The following KCTD8 variants were observed in gnomAD, a reference collection of about 807,000 sequenced individuals.
KCTD8 encodes potassium channel tetramerization domain containing 8.
Under a neutral mutation model 31.5 loss-of-function variants are expected in KCTD8, and 27 were observed. The observed-to-expected ratio is 0.86, with a 90% confidence interval of 0.63 to 1.18. The LOEUF (loss-of-function observed/expected upper bound fraction) is 1.18, where lower values mean the gene tolerates loss of function less well. KCTD8 is among the 50% of genes most tolerant of loss of function. The pLI is 0.00. For missense variants in KCTD8, 658 were observed against 647.7 expected (o/e 1.02, Z -0.17); for synonymous variants, 290 against 280.0 (o/e 1.04, Z -0.36).
intron 1 of KCTD8, among the ~76,000 whole-genome samples, chr4:44,330,701 A>G (rs1483779821): frequency 1.3e-5 from 2 of 151,946 alleles, no homozygotes; most frequent in Non-Finnish European, 2.9e-5. Context: ...TCTATAAACT[A>G]CCAAAAAGGT....
intron 1 of KCTD8, among the ~76,000 whole-genome samples, chr4:44,371,459 C>T (rs1233981576): frequency 6.6e-6 from 1 of 152,146 alleles, no homozygotes; most frequent in Non-Finnish European, 1.5e-5. Context: ...GTAGAGCACA[C>T]TGCTTGGCAC....
At chr4:44,437,048 G>T (rs1019116733) in intron 1 of KCTD8, among the ~76,000 whole-genome samples, 3 of 124,888 alleles carry the variant, frequency 2.4e-5, no homozygotes, top group African/African-American at 9.4e-5. Flanking sequence ...AGTGCACAAT[G>T]ATTTTGAAAG....
At chr4:44,273,661 A>G (rs578153510) in intron 1 of KCTD8, among the ~76,000 whole-genome samples, 1 of 152,054 alleles carries the variant, frequency 6.6e-6, no homozygotes, top group South Asian at 2.1e-4. Flanking sequence ...CCCACTGACA[A>G]TTGGAGAATT....
At chr4:44,395,571 C>T (rs1396073319) in intron 1 of KCTD8, among the ~76,000 whole-genome samples, 1 of 152,058 alleles carries the variant, frequency 6.6e-6, no homozygotes, top group African/African-American at 2.4e-5. Flanking sequence ...TTCCAGAAGT[C>T]TTCATAAATA....
intron 1 of KCTD8, among the ~76,000 whole-genome samples, chr4:44,188,951 G>C (rs778691697): frequency 2.0e-5 from 3 of 152,132 alleles, no homozygotes; most frequent in Non-Finnish European, 4.4e-5. Flanking sequence ...CCAAGCTTAT[G>C]GCAATTTGTC....
chr4:44,365,854 T>C (rs1175852319), intron 1 of KCTD8, among the ~76,000 whole-genome samples: 1 of 152,156 alleles, frequency 6.6e-6, no homozygotes, highest in African/African-American at 2.4e-5. Context: ...TGGGAAAAAT[T>C]GGAAGTAACA....
intron 1 of KCTD8, among the ~76,000 whole-genome samples, chr4:44,267,317 G>A (rs890944033): frequency 6.6e-6 from 1 of 152,174 alleles, no homozygotes; most frequent in African/African-American, 2.4e-5. Flanking sequence ...AGAAATGAAG[G>A]CAGAAATAAA....
intron 1 of KCTD8, among the ~76,000 whole-genome samples, chr4:44,412,707 G>A (rs546685846): frequency 1.3e-3 from 194 of 152,192 alleles, no homozygotes; most frequent in African/African-American, 4.5e-3. Context: ...AATTTTAAGA[G>A]TATTTAACTG....
intron 1 of KCTD8, among the ~76,000 whole-genome samples, chr4:44,377,595 G>C (rs1199205570): frequency 6.6e-6 from 1 of 152,208 alleles, no homozygotes; most frequent in Non-Finnish European, 1.5e-5. Flanking sequence ...AGAAGGGCCA[G>C]AGTGGGTCCA....
intron 1 of KCTD8, among the ~76,000 whole-genome samples, chr4:44,373,959 T>C (rs1719855720): frequency 6.6e-6 from 1 of 152,188 alleles, no homozygotes; most frequent in Non-Finnish European, 1.5e-5. Context: ...GTTAAAAACA[T>C]ATAAATCTGT....
intron 1 of KCTD8, among the ~76,000 whole-genome samples, chr4:44,370,562 T>C (rs559950483): frequency 6.6e-5 from 10 of 152,320 alleles, no homozygotes; most frequent in African/African-American, 2.2e-4. Context: ...ATATTGCTTA[T>C]AGTCTTATAG....
chr4:44,177,036 A>T (rs1713238069), intron 1 of KCTD8, among the ~76,000 whole-genome samples: 1 of 152,144 alleles, frequency 6.6e-6, no homozygotes, highest in South Asian at 2.1e-4. Flanking sequence ...CCAAATATTT[A>T]AAAAAATTGT....
intron 1 of KCTD8, among the ~76,000 whole-genome samples, chr4:44,346,105 T>G (rs917957896): frequency 3.3e-5 from 5 of 152,206 alleles, no homozygotes; most frequent in Admixed American, 2.0e-4. Context: ...TGCATTTGAA[T>G]AGCTGATCAG....
intron 1 of KCTD8, among the ~76,000 whole-genome samples, chr4:44,235,549 A>T (rs1332493402): frequency 9.2e-5 from 8 of 86,662 alleles, no homozygotes; most frequent in African/African-American, 4.2e-4. Flanking sequence ...ATATATATAT[A>T]TATATATATA....
chr4:44,302,526 T>C (rs940040980), intron 1 of KCTD8, among the ~76,000 whole-genome samples: 22 of 152,116 alleles, frequency 1.4e-4, no homozygotes, highest in Admixed American at 1.1e-3. Flanking sequence ...GTTTGTCTGT[T>C]ATTGGTGTAT....
chr4:44,325,052 T>C (rs1042590571), intron 1 of KCTD8, among the ~76,000 whole-genome samples: 1 of 152,024 alleles, frequency 6.6e-6, no homozygotes, highest in African/African-American at 2.4e-5. Flanking sequence ...GATAATCTTC[T>C]TTCAGGCAAG....
At chr4:44,181,456 T>TG (rs1451538459) in intron 1 of KCTD8, among the ~76,000 whole-genome samples, 1 of 152,154 alleles carries the variant, frequency 6.6e-6, no homozygotes, top group Admixed American at 6.5e-5. Flanking sequence ...CTGTGTTGGC[T>TG]GGGCTGGTCT....
At chr4:44,268,105 G>C (rs949271609) in intron 1 of KCTD8, among the ~76,000 whole-genome samples, 3 of 152,160 alleles carry the variant, frequency 2.0e-5, no homozygotes, top group Non-Finnish European at 4.4e-5. Flanking sequence ...GAGAATTTCA[G>C]ACCAATTTCC....
Position 44,447,703 on chromosome 4 carries a change from G to A in KCTD8, c.821C>T (p.Thr274Ile). The A allele has an allele frequency of 2.5e-6, 4 of 1,612,620 alleles. No individual in the cohort carries two copies. The highest frequency in any genetic ancestry group is 3.4e-6 in the Non-Finnish European group (4 of 1,179,424). Residue 274 changes from threonine to isoleucine, a missense_variant, in exon 1 of 2, where the codon ACC becomes ATC. Physicochemically the swap from Thr to Ile is moderately conservative, Grantham distance 89. Transcript: ENST00000360029. Reference sequence around the variant, plus strand: ...GCGATCAAAGGCCTGCTCCAAGTAGGTGAACTTGAGGTAGAAGCGGGACGT... The same window carrying A: ...GCGATCAAAGGCCTGCTCCAAGTAGATGAACTTGAGGTAGAAGCGGGACGT... ...KYTSRFYLKF[T>I]YLEQAFDRLS...
Sources: allele counts gnomAD v4.1 joint callset (sites outside exome capture counted in the v4.1 genomes callset), GRCh38; gene constraint gnomAD v4.1.1; transcripts MANE v1.5; gene names NCBI Gene and HGNC (gene_info 2026-07-23, HGNC 2026-07-21).